SCARB1: variants seen among roughly 807,000 people sequenced by gnomAD.
SCARB1 encodes CD36 and LIMPII analogous 1.
In SCARB1, 30 loss-of-function variants were observed where a neutral mutation model predicts 57.2. The ratio of observed to expected loss-of-function variants is 0.52; its 90% CI spans 0.39 to 0.71. The LOEUF is 0.71. SCARB1 is among the 30% of genes least tolerant of loss of function. The pLI, the probability that SCARB1 is intolerant of heterozygous loss-of-function variation, is 0.00. For missense variants in SCARB1, 543 were observed against 671.2 expected, an observed-to-expected ratio of 0.81 and a Z score of 2.11; for synonymous variants, 249 against 268.3, an observed-to-expected ratio of 0.93 and a Z score of 0.70.
rs1383698687 is a variant in SCARB1 at position 124,810,898 on chromosome 12, G to A, written c.727-609C>T. ...CTATCGTGAATGGCTACTGCCAGTTGCAGATGGTGATTTTTGCCACTCTGG... is the reference window on the plus strand; with the variant it reads ...CTATCGTGAATGGCTACTGCCAGTTACAGATGGTGATTTTTGCCACTCTGG... On this transcript the variant is annotated intron_variant, in intron 5 of 12. Coordinates refer to ENST00000261693, the MANE Select transcript of SCARB1 (RefSeq NM_005505.5). This position sits in a 1 kb window ranked among gnomAD's most constrained non-coding sequence, Gnocchi z 4.0. 2.0e-5 allele frequency among the ~76,000 whole-genome samples: 3 copies of A among 152,234 alleles called. No individual in the cohort carries two copies. Among genetic ancestry groups the A allele is most frequent in the Non-Finnish European group, 4.4e-5 (3 of 68,048 alleles).
intron 9 of SCARB1, among the ~76,000 whole-genome samples, chr12:124,792,705 C>T (rs1594206333): frequency 1.6e-5 from 2 of 123,082 alleles, no homozygotes; most frequent in East Asian, 4.5e-4. Flanking sequence ...CTGGGTGACA[C>T]GGCAAGACTT....
rs540442304 is a variant in SCARB1, at chr12:124,815,048, G to A, written c.351C>T (p.Arg117=). The change falls in exon 3 of 13, where the codon CGC becomes CGT. Residue 117 remains arginine, a synonymous_variant. Transcript: ENST00000261693. ...NNDTVSFLEY[R]TFQFQPSKSH... ...ACTTGGAGGGCTGGAACTGGAAGGT[G>A]CGGTACTCGAGGAAGGACACGGTGT... 7.7e-5 allele frequency: 125 copies of A among 1,614,220 alleles called. 3 individuals are homozygous for A. In the South Asian group the frequency reaches 1.3e-3, roughly 16 times the overall value.
At position 124,783,253 on chromosome 12, in the gene SCARB1, C is replaced by G. The variant is rs1040633626; in HGVS notation, c.1402-442G>C. Reference sequence around the variant, plus strand: ...TTAATTTTTGAGACAGGATCTCACTCTGTTGTCCAGGCTGGAGTGCAATGG... The same window carrying G: ...TTAATTTTTGAGACAGGATCTCACTGTGTTGTCCAGGCTGGAGTGCAATGG... On this transcript the variant is annotated intron_variant, in intron 11 of 12. Transcript: ENST00000261693. The G allele has an allele frequency of 2.2e-5, 5 of 223,330 alleles. No homozygotes were observed. In the South Asian group the frequency reaches 2.7e-4, roughly 12 times the overall value. 13.8% of individuals were successfully genotyped at this position (223,330 alleles called of 1,614,324 possible).
At chr12:124,846,621 C>T (rs1299848034) in intron 1 of SCARB1, among the ~76,000 whole-genome samples, 2 of 148,010 alleles carry the variant, frequency 1.4e-5, no homozygotes, top group Non-Finnish European at 3.0e-5. Context: ...TGGTGGTGCA[C>T]TTGGGAGGCT....
chr12:124,836,653 A>T (rs4765624), intron 1 of SCARB1, among the ~76,000 whole-genome samples: 2 of 151,664 alleles, frequency 1.3e-5, no homozygotes, highest in Non-Finnish European at 2.9e-5. Flanking sequence ...AATTTGCCAA[A>T]TGTGGTAGTG....
Position 124,807,431 on chromosome 12 carries a change from G to A in SCARB1, c.1009+330C>T, listed in dbSNP as rs76826920. On this transcript the variant is annotated intron_variant, in intron 7 of 12. Transcript: ENST00000261693. This position sits in a 1 kb window ranked among gnomAD's most constrained non-coding sequence, Gnocchi z 5.3. ...CCTCTGGAAGCCAGAAAAGGCAGACGCAGCTTCTCCTAGAGCCTCCAGAAG... is the reference window on the plus strand; with the variant it reads ...CCTCTGGAAGCCAGAAAAGGCAGACACAGCTTCTCCTAGAGCCTCCAGAAG... Among the ~76,000 whole-genome samples, 1,465 of 152,224 alleles carry A rather than the reference G, an allele frequency of 9.6e-3. 18 individuals are homozygous for A. The highest frequency in any genetic ancestry group is 0.048 in the South Asian group (232 of 4,810).
chr12:124,854,447 G>A (rs941645671), intron 1 of SCARB1, among the ~76,000 whole-genome samples: 1 of 152,198 alleles, frequency 6.6e-6, no homozygotes, highest in Non-Finnish European at 1.5e-5. Context: ...AGGGCTTTGA[G>A]GGGAGGAGGT....
Position 124,817,370 on chromosome 12 carries a change from A to C in SCARB1, c.284+180T>G, listed in dbSNP as rs565893552. On this transcript the variant is annotated intron_variant, in intron 2 of 12. Coordinates refer to ENST00000261693, the MANE Select transcript of SCARB1 (RefSeq NM_005505.5). This position sits in a 1 kb window ranked among gnomAD's most constrained non-coding sequence, Gnocchi z 4.8. Reference sequence around the variant, plus strand: ...CCCATCTCTAAAAAAAAAAAAAAAAAAAAAAAAAACCCTAAAACAAAAACT... The same window carrying C: ...CCCATCTCTAAAAAAAAAAAAAAAACAAAAAAAAACCCTAAAACAAAAACT... Among the ~76,000 whole-genome samples, 37 of 151,128 alleles carry C rather than the reference A, an allele frequency of 2.4e-4. No homozygotes were observed. Among genetic ancestry groups the C allele is most frequent in the South Asian group, 1.7e-3 (8 of 4,806 alleles).
intron 2 of SCARB1, among the ~76,000 whole-genome samples, chr12:124,816,787 A>G (rs1950735787): frequency 1.3e-5 from 2 of 152,044 alleles, no homozygotes; most frequent in African/African-American, 4.8e-5. Flanking sequence ...CGGTGACCCC[A>G]TGAAGGGGCT....
rs1950641822 is a variant in SCARB1, at chr12:124,814,825, A to G, written c.426+148T>C. On this transcript the variant is annotated intron_variant, in intron 3 of 12. Transcript: ENST00000261693. The surrounding 1 kb of genome is among the most constrained non-coding windows in gnomAD (Gnocchi z 4.7). ...TCAGAACCCACTGGGGGTGGTGGAG[A>G]CAGCACAGGGCCGAAAGCCACCCAC... is the stretch of plus-strand genomic sequence containing the variant. 1.0e-6 allele frequency: 1 copy of G among 977,494 alleles called. No homozygotes were observed. The highest frequency in any genetic ancestry group is 1.6e-6 in the Non-Finnish European group (1 of 636,566). 60.6% of individuals were successfully genotyped at this position (977,494 alleles called of 1,614,324 possible).
rs1566199932 is a variant in SCARB1, at chr12:124,821,396, C to T, written c.127-3689G>A. ...GAATCTCACCATGCTTTCCTCCTCCCCTGGCCGCTTGGCCTGGTTCTGAAG... is the reference window on the plus strand; with the variant it reads ...GAATCTCACCATGCTTTCCTCCTCCTCTGGCCGCTTGGCCTGGTTCTGAAG... On this transcript the variant is annotated intron_variant, in intron 1 of 12. Coordinates refer to ENST00000261693, the MANE Select transcript of SCARB1 (RefSeq NM_005505.5). 6.1e-6 allele frequency: 6 copies of T among 985,390 alleles called. No homozygotes were observed. In the South Asian group the frequency reaches 2.8e-4, roughly 46 times the overall value. The allele number at this position is 985,390 out of a possible 1,614,324, so 61.0% of individuals were successfully genotyped here.
At chr12:124,779,289 A>G (rs953100650) in intron 12 of SCARB1, among the ~76,000 whole-genome samples, 1 of 152,204 alleles carries the variant, frequency 6.6e-6, no homozygotes, top group Non-Finnish European at 1.5e-5. Flanking sequence ...ATTCAGCCTG[A>G]ACAGTATTCC....
Position 124,800,045 on chromosome 12 carries a change from TGCCTGGGGAGAGAGGAGGCA to T in SCARB1, c.1128+59_1128+78del. The T allele has an allele frequency of 9.1e-7, 1 of 1,101,324 alleles. No homozygotes were observed. Among genetic ancestry groups the T allele is most frequent in the Non-Finnish European group, 1.4e-6 (1 of 715,558 alleles). 68.2% of individuals were successfully genotyped at this position (1,101,324 alleles called of 1,614,324 possible). A position where few individuals can be genotyped will look rare whatever the true frequency, so the allele number is the denominator to read the frequency against. On this transcript the variant is annotated intron_variant, in intron 8 of 12. Transcript: ENST00000261693. This position sits in a 1 kb window ranked among gnomAD's most constrained non-coding sequence, Gnocchi z 4.8. ...ACCACCCCAGCCCACAGCAGCTCTC[TGCCTGGGGAGAGAGGAGGCA>T]GCCAGGTGTGCTCCAACCAGGAATC...
At chr12:124,803,067 G>C (rs528189666) in intron 7 of SCARB1, among the ~76,000 whole-genome samples, 1 of 152,204 alleles carries the variant, frequency 6.6e-6, no homozygotes, top group Non-Finnish European at 1.5e-5. Context: ...ACAACGTCAC[G>C]GACGAATTGC....
chr12:124,794,339 T>C (rs1447223673), intron 9 of SCARB1, among the ~76,000 whole-genome samples: 1 of 152,056 alleles, frequency 6.6e-6, no homozygotes, highest in African/African-American at 2.4e-5. Context: ...ACATGCATTA[T>C]ATTTGCATAA....
At chr12:124,858,743 G>A (rs1952747760) in intron 1 of SCARB1, among the ~76,000 whole-genome samples, 2 of 152,034 alleles carry the variant, frequency 1.3e-5, no homozygotes, top group Admixed American at 6.6e-5. Context: ...GGTGGGTGCG[G>A]TGGCGGGCGC....
At chr12:124,860,111 C>T (rs1360347652) in intron 1 of SCARB1, among the ~76,000 whole-genome samples, 1 of 152,074 alleles carries the variant, frequency 6.6e-6, no homozygotes, top group Non-Finnish European at 1.5e-5. Flanking sequence ...CCACCATGTC[C>T]AGCTAGTTTT....
intron 1 of SCARB1, among the ~76,000 whole-genome samples, chr12:124,857,145 G>T (rs1223381833): frequency 6.6e-6 from 1 of 152,138 alleles, no homozygotes; most frequent in African/African-American, 2.4e-5. Flanking sequence ...AGGCCACCGG[G>T]ACCAGCTGTG....
intron 1 of SCARB1, chr12:124,839,627 G>T (rs1594357703): frequency 1.0e-6 from 1 of 985,180 alleles, no homozygotes; most frequent in African/African-American, 1.7e-5. Context: ...CCACACAGCA[G>T]CTGCACCATC....
Sources: allele counts gnomAD v4.1 joint callset (sites outside exome capture counted in the v4.1 genomes callset), GRCh38; gene constraint gnomAD v4.1.1; non-coding constraint Gnocchi (gnomAD v3.1); transcripts MANE v1.5; gene names NCBI Gene and HGNC (gene_info 2026-07-23, HGNC 2026-07-21).